The following XRRA1 variants were observed in gnomAD, a reference collection of about 807,000 sequenced individuals.
XRRA1 encodes X-ray radiation resistance-associated protein 1.
XRRA1 carries 69 observed loss-of-function variants against 80.2 expected under a neutral mutation model. The ratio of observed to expected loss-of-function variants is 0.86; its 90% CI spans 0.71 to 1.05. XRRA1 has a LOEUF of 1.05. Among genes scored for constraint, XRRA1 ranks in the 50% least tolerant of loss-of-function variants. The pLI is 0.00. For synonymous variants in XRRA1, 348 were observed against 389.9 expected (o/e 0.89, Z 1.27); for missense variants, 967 against 976.4 (o/e 0.99, Z 0.13).
intron 8 of XRRA1, among the ~76,000 whole-genome samples, chr11:74,912,730 T>C (rs1591351755): frequency 3.3e-5 from 5 of 152,200 alleles, no homozygotes. Context: ...AGCCATGGCC[T>C]CTCATTCAGT....
At chr11:74,926,563 C>T (rs925171359) in intron 7 of XRRA1, among the ~76,000 whole-genome samples, 2 of 152,198 alleles carry the variant, frequency 1.3e-5, no homozygotes, top group African/African-American at 4.8e-5. Context: ...GTGGCTCCAC[C>T]TCTGTTGTCC....
chr11:74,924,080 G>A (rs1408116713), intron 7 of XRRA1, among the ~76,000 whole-genome samples: 4 of 152,014 alleles, frequency 2.6e-5, no homozygotes, highest in Admixed American at 1.3e-4. Context: ...GGGCTCAAGC[G>A]ATCCTCCCAT....
chr11:74,866,844 C>T (rs2043555638), intron 10 of XRRA1, among the ~76,000 whole-genome samples: 1 of 151,912 alleles, frequency 6.6e-6, no homozygotes, highest in African/African-American at 2.4e-5. Flanking sequence ...CTTGCAGGAT[C>T]TATGGGACAA....
chr11:74,864,685 G>A (rs1004581745), intron 10 of XRRA1, among the ~76,000 whole-genome samples: 2 of 152,190 alleles, frequency 1.3e-5, no homozygotes, highest in Admixed American at 1.3e-4. Context: ...GTGCCTTGGT[G>A]GAAAGGCTTG....
At chr11:74,890,133 T>C (rs903201986) in intron 10 of XRRA1, among the ~76,000 whole-genome samples, 8 of 152,176 alleles carry the variant, frequency 5.3e-5, no homozygotes, top group Non-Finnish European at 8.8e-5. Flanking sequence ...TATTTCAAAA[T>C]TGACCACACA....
chr11:74,931,036 C>T (rs933497197), intron 5 of XRRA1, among the ~76,000 whole-genome samples: 4 of 151,960 alleles, frequency 2.6e-5, no homozygotes, highest in African/African-American at 4.8e-5. Flanking sequence ...CGAACTGCTG[C>T]GCTCAAGTAA....
chr11:74,945,157 C>A (rs1947232128), intron 1 of XRRA1, 72 bp from the exon 2 acceptor site: 1 of 152,234 alleles, frequency 6.6e-6, no homozygotes, highest in Admixed American at 6.6e-5. Flanking sequence ...TAATTATATT[C>A]TACTGTGAGC....
rs771639470 is a variant in XRRA1, at chr11:74,906,416, T to A, written c.826A>T (p.Ile276Phe). 3 of 1,614,004 alleles carry A rather than the reference T, an allele frequency of 1.9e-6. No individual in the cohort carries two copies. The highest frequency in any genetic ancestry group is 2.5e-6 in the Non-Finnish European group (3 of 1,179,886). The change falls in exon 10 of 19, where the codon ATC becomes TTC. Residue 276 changes from isoleucine to phenylalanine, a missense_variant. Physicochemically the swap from Ile to Phe is conservative, Grantham distance 21. Coordinates refer to ENST00000684022, the MANE Select transcript of XRRA1 (RefSeq NM_001378157.1). ...AGCTGAACTTGCTGTAGGTATGGGA[T>A]CCTGATAATCCTGTTTTCATCCAAG... ...LSLDENRIIR[I>F]PYLQQVQLYD...
intron 11 of XRRA1, among the ~76,000 whole-genome samples, chr11:74,861,830 T>C (rs1312587696): frequency 6.6e-6 from 1 of 152,210 alleles, no homozygotes. Flanking sequence ...GTGGAAACTC[T>C]TGAATTTATC....
At chr11:74,880,249 G>A (rs529041132) in intron 10 of XRRA1, among the ~76,000 whole-genome samples, 2 of 152,344 alleles carry the variant, frequency 1.3e-5, no homozygotes, top group Admixed American at 1.3e-4. Flanking sequence ...TAGTTTATTT[G>A]CATAGAGATG....
chr11:74,858,619 A>G (rs535937296), intron 12 of XRRA1, among the ~76,000 whole-genome samples: 1 of 152,260 alleles, frequency 6.6e-6, no homozygotes, highest in East Asian at 1.9e-4. Flanking sequence ...CTTATCCTTT[A>G]TATCTGCTGT....
chr11:74,843,700 A>T (rs2037083839), intron 18 of XRRA1, 154 bp downstream of exon 18: 1 of 823,866 alleles, frequency 1.2e-6, no homozygotes, highest in African/African-American at 1.7e-5. Flanking sequence ...TCCCTGCCTC[A>T]CGCTGGCTCT....
intron 14 of XRRA1, among the ~76,000 whole-genome samples, chr11:74,849,310 T>G (rs2039174751): frequency 6.6e-6 from 1 of 152,256 alleles, no homozygotes; most frequent in South Asian, 2.1e-4. Context: ...ATTTCCTCCT[T>G]GTGCCTGTCT....
intron 8 of XRRA1, among the ~76,000 whole-genome samples, chr11:74,908,619 T>C (rs1417007712): frequency 6.6e-6 from 1 of 152,220 alleles, no homozygotes; most frequent in Non-Finnish European, 1.5e-5. Context: ...TATATTTATG[T>C]GGCCAGGTAC....
chr11:74,887,340 C>T (rs764750269), intron 10 of XRRA1, among the ~76,000 whole-genome samples: 3 of 152,130 alleles, frequency 2.0e-5, no homozygotes, highest in Non-Finnish European at 4.4e-5. Flanking sequence ...GGTCTACTAT[C>T]CAGAATCTAT....
chr11:74,869,970 A>C (rs1262470489), intron 10 of XRRA1, among the ~76,000 whole-genome samples: 1 of 152,162 alleles, frequency 6.6e-6, no homozygotes, highest in East Asian at 1.9e-4. Flanking sequence ...CACCCCCAAC[A>C]ATGAGGCCAC....
chr11:74,846,191 T>C (rs1182375370), intron 15 of XRRA1: 2 of 151,996 alleles, frequency 1.3e-5, no homozygotes, highest in African/African-American at 2.4e-5. Flanking sequence ...CTGGGCAACA[T>C]AGTGAGACCC....
At chr11:74,860,047 G>C (rs955973646) in intron 11 of XRRA1, among the ~76,000 whole-genome samples, 2 of 152,206 alleles carry the variant, frequency 1.3e-5, no homozygotes, top group Admixed American at 6.5e-5. Context: ...GTTAGGTTCA[G>C]ATGAACTAGA....
intron 8 of XRRA1, among the ~76,000 whole-genome samples, chr11:74,912,039 C>G (rs2056034147): frequency 6.6e-6 from 1 of 152,128 alleles, no homozygotes; most frequent in South Asian, 2.1e-4. Context: ...TTGGAGTGAA[C>G]AGAGAAAGAC....
Sources: allele counts gnomAD v4.1 joint callset (sites outside exome capture counted in the v4.1 genomes callset), GRCh38; gene constraint gnomAD v4.1.1; transcripts MANE v1.5; gene names NCBI Gene and HGNC (gene_info 2026-07-23, HGNC 2026-07-21).